The following FGF12 variants were observed in gnomAD, a reference collection of about 807,000 sequenced individuals.
The protein encoded by FGF12 is fibroblast growth factor 12, also known as fibroblast growth factor 12B.
In FGF12, 14 loss-of-function variants were observed where a neutral mutation model predicts 23.6. The ratio of observed to expected loss-of-function variants is 0.59; its 90% confidence interval spans 0.39 to 0.93. FGF12 has a LOEUF of 0.93. Among genes scored for constraint, FGF12 ranks in the 40% least tolerant of loss-of-function variants. The probability of loss-of-function intolerance (pLI) is 0.00; values close to 1 mark genes in which losing one functional copy is unlikely to be tolerated. For missense variants in FGF12, 175 were observed against 217.8 expected (o/e 0.80, Z 1.24); for synonymous variants, 62 against 77.3 (o/e 0.80, Z 1.04).
intron 2 of FGF12, among the ~76,000 whole-genome samples, chr3:192,415,914 A>G (rs12491822): frequency 0.14 from 21,663 of 152,060 alleles, 1,904 homozygotes; most frequent in Admixed American, 0.26. Flanking sequence ...TCACATTCAT[A>G]CTGTCACCCA....
chr3:192,146,189 A>C (rs926333318), intron 5 of FGF12, among the ~76,000 whole-genome samples: 25 of 152,194 alleles, frequency 1.6e-4, no homozygotes, highest in Non-Finnish European at 3.1e-4. Context: ...TTTTTCAAAA[A>C]TAATATATTT....
rs80069851 is a variant in FGF12 at position 192,479,889 on chromosome 3, A to G, written c.14-119351T>C. On this transcript the variant is annotated intron_variant, in intron 2 of 5. Coordinates refer to ENST00000445105, the MANE Select transcript of FGF12 (RefSeq NM_004113.6). ...AGACCCTATAAACACTATAGAGCAT[A>G]TACAATCAGGAATTTTTACAGACTC... 9.2e-5 allele frequency among the ~76,000 whole-genome samples: 14 copies of G among 152,296 alleles called. No homozygotes were observed. The East Asian group carries it at 2.7e-3, about 29-fold the overall frequency.
intron 4 of FGF12, among the ~76,000 whole-genome samples, chr3:192,294,551 G>C (rs1216896495): frequency 6.6e-6 from 1 of 152,102 alleles, no homozygotes; most frequent in African/African-American, 2.4e-5. Flanking sequence ...AAACAACCTA[G>C]GTTGGAAGAA....
chr3:192,480,237 C>A (rs146438700), intron 2 of FGF12, among the ~76,000 whole-genome samples: 71 of 152,280 alleles, frequency 4.7e-4, no homozygotes, highest in Middle Eastern at 6.8e-3. Context: ...CGTAAGACTT[C>A]GCAAAGGAAC....
chr3:192,459,669 G>T (rs1032385698), intron 2 of FGF12, among the ~76,000 whole-genome samples: 2 of 152,104 alleles, frequency 1.3e-5, no homozygotes, highest in Admixed American at 6.6e-5. Flanking sequence ...ATTAATAATA[G>T]AATCAAATTT....
chr3:192,713,604 C>T (rs1013506041), intron 2 of FGF12, among the ~76,000 whole-genome samples: 18 of 152,266 alleles, frequency 1.2e-4, no homozygotes, highest in African/African-American at 1.7e-4. Flanking sequence ...TACTAAGACA[C>T]GATTCACTGG....
At chr3:192,225,790 G>A (rs1008773574) in intron 4 of FGF12, among the ~76,000 whole-genome samples, 1 of 152,146 alleles carries the variant, frequency 6.6e-6, no homozygotes, top group Admixed American at 6.6e-5. Context: ...AAAAGGACAC[G>A]TGGACACATG....
intron 3 of FGF12, among the ~76,000 whole-genome samples, chr3:192,346,866 T>G (rs1560079572): frequency 6.6e-6 from 1 of 152,096 alleles, no homozygotes. Flanking sequence ...TAAAATAGCA[T>G]GAAACATTCC....
chr3:192,706,221 A>G (rs1718464202), intron 2 of FGF12, among the ~76,000 whole-genome samples: 1 of 152,136 alleles, frequency 6.6e-6, no homozygotes, highest in South Asian at 2.1e-4. Flanking sequence ...TGGGCCCACT[A>G]TTGGTAAGAC....
chr3:192,253,943 C>G (rs540662257), intron 4 of FGF12, among the ~76,000 whole-genome samples: 6 of 151,894 alleles, frequency 4.0e-5, no homozygotes, highest in Non-Finnish European at 8.8e-5. Flanking sequence ...TTATCATGTA[C>G]AAGATGATGT....
chr3:192,169,197 CG>C (rs1715400971), intron 5 of FGF12, among the ~76,000 whole-genome samples: 1 of 151,910 alleles, frequency 6.6e-6, no homozygotes, highest in African/African-American at 2.4e-5. Flanking sequence ...AAAAATTAGC[CG>C]GGTGTGGTGG....
chr3:192,217,767 A>G (rs1222307425), intron 4 of FGF12, among the ~76,000 whole-genome samples: 2 of 152,134 alleles, frequency 1.3e-5, no homozygotes, highest in East Asian at 3.9e-4. Context: ...AGGGCTCATC[A>G]CTGCCATCAG....
At chr3:192,344,314 T>A (rs1577372747) in intron 3 of FGF12, among the ~76,000 whole-genome samples, 1 of 152,044 alleles carries the variant, frequency 6.6e-6, no homozygotes, top group African/African-American at 2.4e-5. Flanking sequence ...CATGGCTGGG[T>A]GGTCATTATT....
chr3:192,275,107 A>G (rs1713696976), intron 4 of FGF12, among the ~76,000 whole-genome samples: 1 of 152,178 alleles, frequency 6.6e-6, no homozygotes, highest in African/African-American at 2.4e-5. Flanking sequence ...AAGTAATCAG[A>G]CTTTATTTAT....
At chr3:192,391,267 T>C (rs1431662200) in intron 2 of FGF12, among the ~76,000 whole-genome samples, 1 of 152,220 alleles carries the variant, frequency 6.6e-6, no homozygotes, top group Non-Finnish European at 1.5e-5. Flanking sequence ...TTTGAGCATA[T>C]AGTTTACATG....
intron 2 of FGF12, among the ~76,000 whole-genome samples, chr3:192,607,377 G>A (rs1231161084): frequency 6.6e-6 from 1 of 152,190 alleles, no homozygotes. Context: ...GCATAAGGAA[G>A]AACGAAGAAT....
chr3:192,178,444 G>C (rs1272755191), intron 4 of FGF12, among the ~76,000 whole-genome samples: 1 of 152,010 alleles, frequency 6.6e-6, no homozygotes, highest in African/African-American at 2.4e-5. Context: ...GCATATGCCA[G>C]ATAAAAAAGG....
intron 3 of FGF12, among the ~76,000 whole-genome samples, chr3:192,348,225 A>T (rs138946861): frequency 6.6e-6 from 1 of 152,162 alleles, no homozygotes; most frequent in Non-Finnish European, 1.5e-5. Context: ...TCACATAGGT[A>T]TGTGTTCCAG....
intron 3 of FGF12, among the ~76,000 whole-genome samples, chr3:192,352,747 ATATTAT>A (rs1289217754): frequency 6.6e-6 from 1 of 152,198 alleles, no homozygotes; most frequent in Non-Finnish European, 1.5e-5. Context: ...TATGATCTAA[ATATTAT>A]TATTATTGTC....
Sources: allele counts gnomAD v4.1 joint callset (sites outside exome capture counted in the v4.1 genomes callset), GRCh38; gene constraint gnomAD v4.1.1; transcripts MANE v1.5; gene names NCBI Gene and HGNC (gene_info 2026-07-23, HGNC 2026-07-21).